Variants in NLGN1 observed in about 807,000 individuals in gnomAD.
NLGN1 encodes the protein neuroligin-1.
Under a neutral mutation model 65.5 loss-of-function variants are expected in NLGN1, and 12 were observed. The observed-to-expected ratio is 0.18, with a 90% CI of 0.12 to 0.30. The LOEUF is 0.30. NLGN1 is among the 10% of genes least tolerant of loss of function. The probability of loss-of-function intolerance (pLI) is 1.00; values close to 1 mark genes in which losing one functional copy is unlikely to be tolerated. For missense variants in NLGN1, 750 were observed against 1,007.1 expected (o/e 0.74, Z 3.46); for synonymous variants, 350 against 359.5 (o/e 0.97, Z 0.30).
intron 4 of NLGN1, among the ~76,000 whole-genome samples, chr3:173,914,560 T>C (rs983128542): frequency 2.1e-4 from 32 of 150,364 alleles, no homozygotes; most frequent in African/African-American, 6.4e-4. Context: ...CACACACATA[T>C]GTATATATTT....
intron 4 of NLGN1, among the ~76,000 whole-genome samples, chr3:174,186,507 A>G (rs1382867319): frequency 6.6e-6 from 1 of 152,032 alleles, no homozygotes; most frequent in Admixed American, 6.6e-5. Flanking sequence ...GTAGATTAGC[A>G]TATCAGATTT....
At chr3:174,229,589 T>C (rs1027085339) in intron 4 of NLGN1, among the ~76,000 whole-genome samples, 6 of 152,190 alleles carry the variant, frequency 3.9e-5, no homozygotes, top group Non-Finnish European at 7.4e-5. Flanking sequence ...GGCAAAATTT[T>C]CTTGCTAATG....
At chr3:173,526,535 T>A (rs561205929) in intron 2 of NLGN1, among the ~76,000 whole-genome samples, 1 of 152,314 alleles carries the variant, frequency 6.6e-6, no homozygotes, top group Admixed American at 6.5e-5. Context: ...AGGCATCCAA[T>A]GCATAATAAT....
At chr3:173,797,727 A>C (rs1714464449) in intron 3 of NLGN1, among the ~76,000 whole-genome samples, 1 of 151,936 alleles carries the variant, frequency 6.6e-6, no homozygotes, top group South Asian at 2.1e-4. Context: ...AAACAAGCAA[A>C]AAAACTGATC....
At chr3:173,672,908 C>G (rs560231376) in intron 3 of NLGN1, among the ~76,000 whole-genome samples, 10 of 152,166 alleles carry the variant, frequency 6.6e-5, no homozygotes, top group Non-Finnish European at 1.3e-4. Context: ...GCAGATAGAC[C>G]TTTAAGGAGT....
At chr3:174,237,695 T>G (rs1741990112) in intron 4 of NLGN1, among the ~76,000 whole-genome samples, 1 of 152,158 alleles carries the variant, frequency 6.6e-6, no homozygotes, top group African/African-American at 2.4e-5. Context: ...TAGCTAGAAT[T>G]ACAGGCACCC....
intron 3 of NLGN1, among the ~76,000 whole-genome samples, chr3:173,710,101 C>A (rs1768718724): frequency 6.6e-6 from 1 of 151,994 alleles, no homozygotes; most frequent in South Asian, 2.1e-4. Flanking sequence ...TCAGTAGACA[C>A]AATTACTTAT....
At position 173,994,491 on chromosome 3, in the gene NLGN1, A is replaced by AAAAAAAAAAAGAG. The variant is rs10688223; in HGVS notation, c.646+186660_646+186661insAAAAAAAAAGAGA. 1.2e-4 allele frequency among the ~76,000 whole-genome samples: 10 copies of AAAAAAAAAAAGAG among 81,240 alleles called. 1 individual carries two copies. The highest frequency in any genetic ancestry group is 1.7e-4 in the African/African-American group (3 of 17,772). 53.3% of individuals were successfully genotyped at this position (81,240 alleles called of 152,430 possible). A position where few individuals can be genotyped will look rare whatever the true frequency, so the allele number is the denominator to read the frequency against. On this transcript the variant is annotated intron_variant, in intron 4 of 6. Coordinates refer to ENST00000457714, the Ensembl canonical transcript of NLGN1. ...AAAAAAAAAAAAAAAAAAAAAAAAA[A>AAAAAAAAAAAGAG]AGAGAGAGAGAGAGCCTAATTAGTA...
intron 4 of NLGN1, among the ~76,000 whole-genome samples, chr3:174,142,785 A>G (rs1299627744): frequency 2.0e-5 from 3 of 152,242 alleles, no homozygotes; most frequent in East Asian, 1.9e-4. Context: ...GTACAAAGAC[A>G]TATGCATTTA....
chr3:173,996,094 A>G lies in NLGN1; in HGVS notation c.646+188262A>G, dbSNP rs9842152. On this transcript the variant is annotated intron_variant, in intron 4 of 6. Transcript: ENST00000457714. ...AGAGTATCAGTCTAAGCATTAATGT[A>G]TTTCTTTGTTGCCATTTTTCAAAAT... 3.7e-3 allele frequency among the ~76,000 whole-genome samples: 568 copies of G among 152,276 alleles called. 3 individuals are homozygous for G. Among genetic ancestry groups the G allele is most frequent in the African/African-American group, 0.013 (550 of 41,570 alleles).
At chr3:174,062,864 T>C (rs11709946) in intron 4 of NLGN1, among the ~76,000 whole-genome samples, 4,049 of 152,176 alleles carry the variant, frequency 0.027, 71 homozygotes, top group African/African-American at 0.036. Context: ...ATAATAGTTA[T>C]GTGGAAAAAT....
intron 4 of NLGN1, among the ~76,000 whole-genome samples, chr3:174,229,238 G>A (rs780318419): frequency 1.3e-4 from 20 of 151,980 alleles, no homozygotes; most frequent in Admixed American, 7.9e-4. Context: ...AAGAAAGAAC[G>A]TGAACTTTGG....
chr3:173,572,638 T>G (rs1319681390), intron 2 of NLGN1, among the ~76,000 whole-genome samples: 1 of 152,242 alleles, frequency 6.6e-6, no homozygotes, highest in African/African-American at 2.4e-5. Flanking sequence ...TACACCTTTC[T>G]CTGGTTGTCA....
intron 3 of NLGN1, among the ~76,000 whole-genome samples, chr3:173,698,001 G>A (rs1435661192): frequency 6.7e-6 from 1 of 149,310 alleles, no homozygotes; most frequent in African/African-American, 2.5e-5. Context: ...GTAACCAGTG[G>A]CCTAAACGCA....
intron 4 of NLGN1, among the ~76,000 whole-genome samples, chr3:174,121,765 A>G (rs958028043): frequency 1.3e-5 from 2 of 152,198 alleles, no homozygotes; most frequent in Non-Finnish European, 2.9e-5. Context: ...ATATACCCAT[A>G]TATTAAAGCG....
At chr3:173,616,608 T>G (rs1753134122) in intron 3 of NLGN1, among the ~76,000 whole-genome samples, 1 of 152,128 alleles carries the variant, frequency 6.6e-6, no homozygotes, top group Non-Finnish European at 1.5e-5. Context: ...CTTTCAGGGC[T>G]GTGTACAGGC....
intron 3 of NLGN1, among the ~76,000 whole-genome samples, chr3:173,610,714 T>A (rs1027673815): frequency 2.6e-5 from 4 of 151,956 alleles, no homozygotes; most frequent in African/African-American, 9.7e-5. Context: ...CAAGTGGGCA[T>A]AGTGATCAAC....
chr3:173,769,972 A>G (rs180999977), intron 3 of NLGN1, among the ~76,000 whole-genome samples: 7 of 152,298 alleles, frequency 4.6e-5, no homozygotes, highest in African/African-American at 1.7e-4. Flanking sequence ...AGAATCCATA[A>G]CTTTCAAAGC....
At chr3:173,982,380 G>C (rs1718964440) in intron 4 of NLGN1, among the ~76,000 whole-genome samples, 1 of 151,866 alleles carries the variant, frequency 6.6e-6, no homozygotes, top group East Asian at 1.9e-4. Context: ...TTTTTCTTGA[G>C]ACAAAGAGAA....
Sources: allele counts gnomAD v4.1 joint callset (sites outside exome capture counted in the v4.1 genomes callset), GRCh38; gene constraint gnomAD v4.1.1; transcripts MANE v1.5; gene names NCBI Gene and HGNC (gene_info 2026-07-23, HGNC 2026-07-21).